The following KCNIP4 variants were observed in gnomAD, a reference collection of about 807,000 sequenced individuals.
KCNIP4 encodes the protein potassium voltage-gated channel interacting protein 4.
A neutral mutation model predicts 34.0 loss-of-function variants in KCNIP4; 12 were observed. That is an observed-to-expected ratio of 0.35 (90% CI 0.23 to 0.57). The LOEUF is 0.57. Ranked by LOEUF, KCNIP4 falls within the 20% of genes least tolerant of loss-of-function variation. The pLI is 0.83. For synonymous variants in KCNIP4, 124 were observed against 102.2 expected, an observed-to-expected ratio of 1.21 and a Z score of -1.29; for missense variants, 238 against 311.7, an observed-to-expected ratio of 0.76 and a Z score of 1.78.
At chr4:20,882,750 A>G in intron 1 of KCNIP4, 41 bp from the exon 2 acceptor site, 1 of 1,486,880 alleles carries the variant, frequency 6.7e-7, no homozygotes, top group East Asian at 2.3e-5. Flanking sequence ...CTGTCTGCAG[A>G]GAGAAAAGGG....
At chr4:21,924,724 C>T (rs888430076) in intron 1 of KCNIP4, among the ~76,000 whole-genome samples, 1 of 152,090 alleles carries the variant, frequency 6.6e-6, no homozygotes, top group Admixed American at 6.5e-5. Context: ...CTGTTAATTT[C>T]AAATAATTTT....
intron 1 of KCNIP4, among the ~76,000 whole-genome samples, chr4:21,342,440 A>T (rs1716850185): frequency 1.3e-5 from 2 of 152,158 alleles, no homozygotes. Context: ...ATTAATAAAC[A>T]TTGTCACTAT....
intron 3 of KCNIP4, among the ~76,000 whole-genome samples, chr4:20,841,162 CAGT>C (rs1232878160): frequency 1.3e-5 from 2 of 152,162 alleles, no homozygotes; most frequent in African/African-American, 4.8e-5. Flanking sequence ...CAATTTTACT[CAGT>C]AGATGTGGAA....
intron 1 of KCNIP4, among the ~76,000 whole-genome samples, chr4:20,932,829 A>G (rs1730624665): frequency 6.6e-6 from 1 of 152,206 alleles, no homozygotes; most frequent in Non-Finnish European, 1.5e-5. Context: ...AAAAATTGTC[A>G]GGCCATTATA....
chr4:21,857,620 G>A (rs2109345645), intron 1 of KCNIP4, among the ~76,000 whole-genome samples: 1 of 152,204 alleles, frequency 6.6e-6, no homozygotes, highest in South Asian at 2.1e-4. Flanking sequence ...CCCTGCCTGA[G>A]GAAAGGAGCT....
intron 1 of KCNIP4, among the ~76,000 whole-genome samples, chr4:21,340,913 A>G (rs997574507): frequency 2.6e-5 from 4 of 152,168 alleles, no homozygotes; most frequent in African/African-American, 9.7e-5. Context: ...TTTGTTAAAT[A>G]GTATCCCAAA....
At chr4:21,258,459 C>A (rs1030792883) in intron 1 of KCNIP4, among the ~76,000 whole-genome samples, 1 of 152,144 alleles carries the variant, frequency 6.6e-6, no homozygotes, top group Non-Finnish European at 1.5e-5. Context: ...ACACCCACTT[C>A]CAAGCTCTAC....
chr4:21,132,234 G>C (rs1173654082), intron 1 of KCNIP4, among the ~76,000 whole-genome samples: 2 of 152,190 alleles, frequency 1.3e-5, no homozygotes, highest in Non-Finnish European at 2.9e-5. Flanking sequence ...GCCTGTTTCT[G>C]TTTAACTTGT....
chr4:21,906,206 T>C (rs576680168), intron 1 of KCNIP4, among the ~76,000 whole-genome samples: 1 of 152,328 alleles, frequency 6.6e-6, no homozygotes, highest in South Asian at 2.1e-4. Flanking sequence ...TGCTATGTTC[T>C]AACTTGTGAG....
chr4:21,442,342 T>C (rs1321691417), intron 1 of KCNIP4, among the ~76,000 whole-genome samples: 1 of 152,164 alleles, frequency 6.6e-6, no homozygotes, highest in Admixed American at 6.5e-5. Context: ...TCCACTGGGG[T>C]AATCAAAATC....
At chr4:21,072,112 T>C (rs970655875) in intron 1 of KCNIP4, among the ~76,000 whole-genome samples, 5 of 152,226 alleles carry the variant, frequency 3.3e-5, no homozygotes, top group Non-Finnish European at 7.3e-5. Context: ...TATGTGGGCA[T>C]GTGTCTTTAT....
At chr4:21,351,910 G>A (rs1177080694) in intron 1 of KCNIP4, among the ~76,000 whole-genome samples, 2 of 152,094 alleles carry the variant, frequency 1.3e-5, no homozygotes, top group African/African-American at 2.4e-5. Flanking sequence ...TTTGATGGCA[G>A]CTATAGCAAA....
At chr4:21,666,276 T>A (rs1252724111) in intron 1 of KCNIP4, among the ~76,000 whole-genome samples, 1 of 152,250 alleles carries the variant, frequency 6.6e-6, no homozygotes, top group Non-Finnish European at 1.5e-5. Context: ...TGATACTTTG[T>A]ACATAACCGT....
chr4:20,992,409 C>T (rs538955144), intron 1 of KCNIP4, among the ~76,000 whole-genome samples: 36 of 152,174 alleles, frequency 2.4e-4, no homozygotes, highest in African/African-American at 8.7e-4. Context: ...CACCTGGTCC[C>T]GCCCTTGACA....
chr4:21,641,394 T>C (rs1454410195), intron 1 of KCNIP4, among the ~76,000 whole-genome samples: 2 of 152,172 alleles, frequency 1.3e-5, no homozygotes, highest in African/African-American at 4.8e-5. Context: ...TGAAGGATAA[T>C]GGTGAAGGAA....
At chr4:21,629,113 A>C (rs2109198072) in intron 1 of KCNIP4, among the ~76,000 whole-genome samples, 1 of 152,298 alleles carries the variant, frequency 6.6e-6, no homozygotes, top group East Asian at 1.9e-4. Context: ...GATGGTTGGG[A>C]CTTAGCAGGA....
At chr4:21,577,107 A>T (rs908612633) in intron 1 of KCNIP4, among the ~76,000 whole-genome samples, 2 of 152,190 alleles carry the variant, frequency 1.3e-5, no homozygotes, top group African/African-American at 4.8e-5. Flanking sequence ...CATATATAGT[A>T]TTAAACCTAC....
chr4:21,284,192 G>A (rs1179806433), intron 1 of KCNIP4, among the ~76,000 whole-genome samples: 1 of 149,448 alleles, frequency 6.7e-6, no homozygotes, highest in Admixed American at 6.7e-5. Context: ...CAGCCTGGGC[G>A]ACAGAGCGAG....
chr4:21,380,451 G>GAGAGGT (rs1162322227), intron 1 of KCNIP4, among the ~76,000 whole-genome samples: 1 of 135,444 alleles, frequency 7.4e-6, no homozygotes, highest in Non-Finnish European at 1.7e-5. Flanking sequence ...GAGGGAGAGG[G>GAGAGGT]AGAGGGGGAG....
Sources: allele counts gnomAD v4.1 joint callset (sites outside exome capture counted in the v4.1 genomes callset), GRCh38; gene constraint gnomAD v4.1.1; transcripts MANE v1.5; gene names NCBI Gene and HGNC (gene_info 2026-07-23, HGNC 2026-07-21).